GLYATL2: variants seen among roughly 807,000 people sequenced by gnomAD.
The protein encoded by GLYATL2 is glycine-N-acyltransferase like 2, also known as glycine N-acyltransferase-like protein 2.
In GLYATL2, 25 loss-of-function variants were observed where a neutral mutation model predicts 21.4. That is an observed-to-expected ratio of 1.17 (90% CI 0.85 to 1.63). The LOEUF (loss-of-function observed/expected upper bound fraction) is 1.63. Ranked by LOEUF, GLYATL2 falls within the 40% of genes most tolerant of loss-of-function variation. The probability of loss-of-function intolerance (pLI) is 0.00; values close to 1 mark genes in which losing one functional copy is unlikely to be tolerated. For synonymous variants in GLYATL2, 114 were observed against 118.2 expected (o/e 0.96, Z 0.23); for missense variants, 361 against 343.3 (o/e 1.05, Z -0.41).
upstream of GLYATL2, among the ~76,000 whole-genome samples, chr11:58,847,331 G>T (rs1943289): frequency 0.88 from 134,677 of 152,188 alleles, 60,816 homozygotes; most frequent in Non-Finnish European, 0.98. Flanking sequence ...GAAGTAAAGA[G>T]ACTTTGTTTT....
At chr11:58,877,697 T>G (rs1000465179) in intron 1 of GLYATL2, among the ~76,000 whole-genome samples, 1 of 152,178 alleles carries the variant, frequency 6.6e-6, no homozygotes, top group African/African-American at 2.4e-5. Flanking sequence ...TTTAATAACA[T>G]AGAGATCACT....
intron 1 of GLYATL2, among the ~76,000 whole-genome samples, chr11:58,875,605 T>C (rs1854214832): frequency 6.6e-6 from 1 of 152,208 alleles, no homozygotes; most frequent in African/African-American, 2.4e-5. Flanking sequence ...TTTAAGAATG[T>C]TAAATATTGG....
chr11:58,905,479 C>G, upstream of GLYATL2: 1 of 456,264 alleles, frequency 2.2e-6, no homozygotes, highest in Non-Finnish European at 4.4e-6. Context: ...GCGGGCTATT[C>G]CCCTTGCAGC....
At chr11:58,887,287 A>T (rs1358939146) in intron 1 of GLYATL2, among the ~76,000 whole-genome samples, 1 of 152,204 alleles carries the variant, frequency 6.6e-6, no homozygotes, top group Non-Finnish European at 1.5e-5. Flanking sequence ...ACTGCAATTT[A>T]CTTGGAAATA....
intron 1 of GLYATL2, among the ~76,000 whole-genome samples, chr11:58,899,593 A>C (rs985937007): frequency 6.6e-6 from 1 of 152,072 alleles, no homozygotes; most frequent in African/African-American, 2.4e-5. Flanking sequence ...ACGGGCCTCC[A>C]CAAAAGACTG....
At position 58,834,447 on chromosome 11, in the gene GLYATL2, G is replaced by T; in HGVS notation, c.867C>A (p.Thr289=). The change falls in exon 6 of 6, where the codon ACC becomes ACA. Residue 289 remains threonine, a synonymous_variant. Transcript: ENST00000287275. The stretch of plus-strand genomic sequence containing the variant: ...GAATCAATCAACAATATTTCTTGGG[G>T]GTGCATTTCCACTGATGCCAGCCAC... ...CPCGWHQWKC[T]PKKYC is the part of the protein sequence containing the mutation. 1.3e-6 allele frequency: 2 copies of T among 1,591,556 alleles called. No homozygotes were observed. Among genetic ancestry groups the T allele is most frequent in the Non-Finnish European group, 1.7e-6 (2 of 1,170,364 alleles).
chr11:58,905,374 G>A, upstream of GLYATL2: 1 of 435,028 alleles, frequency 2.3e-6, no homozygotes, highest in Non-Finnish European at 4.7e-6. Flanking sequence ...TCTCTCTGCT[G>A]CTGCCGCTGG....
chr11:58,851,424 C>T (rs1160144820), intron 1 of GLYATL2, among the ~76,000 whole-genome samples: 1 of 152,126 alleles, frequency 6.6e-6, no homozygotes, highest in African/African-American at 2.4e-5. Context: ...ATCCTTGCAT[C>T]CTAGGGATAC....
At chr11:58,854,004 T>C (rs1422932938) in intron 1 of GLYATL2, among the ~76,000 whole-genome samples, 1 of 152,204 alleles carries the variant, frequency 6.6e-6, no homozygotes, top group Non-Finnish European at 1.5e-5. Context: ...TACTCTCTGC[T>C]TCTATGAATT....
intron 1 of GLYATL2, chr11:58,892,111 A>G (rs1410869515): frequency 6.6e-6 from 1 of 152,488 alleles, no homozygotes; most frequent in Non-Finnish European, 1.5e-5. Flanking sequence ...ATCGTAGGCC[A>G]CTGTTAAAAT....
chr11:58,876,528 G>T (rs1317965783), intron 1 of GLYATL2, among the ~76,000 whole-genome samples: 1 of 152,176 alleles, frequency 6.6e-6, no homozygotes, highest in Non-Finnish European at 1.5e-5. Context: ...TCAACTGCAG[G>T]TCTGTTGGAG....
chr11:58,846,365 G>A (rs75408206), upstream of GLYATL2, among the ~76,000 whole-genome samples: 372 of 152,156 alleles, frequency 2.4e-3, 1 homozygote, highest in African/African-American at 8.6e-3. Context: ...CTTCATGAGA[G>A]CCAAAAATCA....
chr11:58,896,906 C>A (rs1854645504), intron 1 of GLYATL2, among the ~76,000 whole-genome samples: 1 of 152,176 alleles, frequency 6.6e-6, no homozygotes, highest in Admixed American at 6.5e-5. Context: ...ACCTAGAATT[C>A]TCTTTACTCT....
chr11:58,840,491 G>A (rs1234728960), intron 1 of GLYATL2, among the ~76,000 whole-genome samples: 1 of 152,026 alleles, frequency 6.6e-6, no homozygotes, highest in Non-Finnish European at 1.5e-5. Context: ...TAATGACATA[G>A]GAAAACGTCT....
intron 1 of GLYATL2, among the ~76,000 whole-genome samples, chr11:58,900,332 C>G (rs775227698): frequency 1.3e-4 from 20 of 152,148 alleles, no homozygotes; most frequent in Non-Finnish European, 1.9e-4. Flanking sequence ...CCTTGGGCAA[C>G]TTAGTTGAGG....
At chr11:58,875,163 T>C (rs1287508671) in intron 1 of GLYATL2, among the ~76,000 whole-genome samples, 1 of 152,224 alleles carries the variant, frequency 6.6e-6, no homozygotes, top group Non-Finnish European at 1.5e-5. Flanking sequence ...TCCATCCCTT[T>C]ATTTTGGGCC....
intron 1 of GLYATL2, among the ~76,000 whole-genome samples, chr11:58,859,455 C>A (rs1853893894): frequency 6.6e-6 from 1 of 151,994 alleles, no homozygotes; most frequent in Non-Finnish European, 1.5e-5. Context: ...AGGGCCTTTG[C>A]CCATTTTTAA....
intron 1 of GLYATL2, among the ~76,000 whole-genome samples, chr11:58,900,585 C>T (rs980321129): frequency 6.6e-6 from 1 of 152,138 alleles, no homozygotes; most frequent in African/African-American, 2.4e-5. Context: ...ACTCTAAAAA[C>T]CCAGCGTGAC....
chr11:58,837,284 A>T lies in GLYATL2; in HGVS notation c.300T>A (p.Thr100=), dbSNP rs1464689352. ...SYSNVISWEQ[T]LQIQGCQEGL... is the part of the protein sequence containing the mutation. The stretch of plus-strand genomic sequence containing the variant: ...CAGACTAGTTACCTTGGATCTGCAA[A>T]GTTTGCTCCCAGCTGATTACATTGG... Residue 100 remains threonine, a synonymous_variant, in exon 4 of 6, where the codon ACT becomes ACA. Transcript: ENST00000287275. 1.2e-6 allele frequency: 2 copies of T among 1,613,850 alleles called. No individual in the cohort carries two copies. Among genetic ancestry groups the T allele is most frequent in the Admixed American group, 1.7e-5 (1 of 60,004 alleles).
Sources: allele counts gnomAD v4.1 joint callset (sites outside exome capture counted in the v4.1 genomes callset), GRCh38; gene constraint gnomAD v4.1.1; transcripts MANE v1.5; gene names NCBI Gene and HGNC (gene_info 2026-07-23, HGNC 2026-07-21).